Variants in TRIM14 observed in about 807,000 individuals in gnomAD.
TRIM14 encodes the protein tripartite motif-containing protein 14.
In TRIM14, 28 loss-of-function variants were observed where a neutral mutation model predicts 44.5. That is an observed-to-expected ratio of 0.63 (90% CI 0.47 to 0.86). The LOEUF (loss-of-function observed/expected upper bound fraction) is 0.86. Among genes scored for constraint, TRIM14 ranks in the 40% least tolerant of loss-of-function variants. TRIM14 has a pLI of 0.00. For missense variants in TRIM14, 607 were observed against 611.1 expected (o/e 0.99, Z 0.07); for synonymous variants, 299 against 269.2 (o/e 1.11, Z -1.08).
chr9:98,082,941 T>G, downstream of TRIM14: 1 of 1,614,162 alleles, frequency 6.2e-7, no homozygotes, highest in Non-Finnish European at 8.5e-7. Context: ...CCAAAGGCTA[T>G]CCTCCTGAAG....
downstream of TRIM14, chr9:98,083,201 C>T (rs1829967666): frequency 1.3e-6 from 1 of 747,756 alleles, no homozygotes; most frequent in African/African-American, 1.8e-5. Context: ...TGTTTCTGGG[C>T]TAGGCCCTGT....
At chr9:98,055,245 C>T in the TRIM14 span, among the ~76,000 whole-genome samples, 2 of 152,112 alleles carry the variant, frequency 1.3e-5, no homozygotes, top group African/African-American at 4.8e-5. Flanking sequence ...TCTCGAACTC[C>T]TGACCTCAGG....
At chr9:98,088,913 TTTTTTGTTG>T (rs1207775392) in intron 5 of TRIM14, among the ~76,000 whole-genome samples, 1 of 91,344 alleles carries the variant, frequency 1.1e-5, no homozygotes, top group Non-Finnish European at 2.0e-5. Context: ...ACATGAAGTT[TTTTTTGTTG>T]TTGTTGTTGT....
chr9:98,071,618 C>T (rs1174121389), intron 6 of TRIM14, among the ~76,000 whole-genome samples: 3 of 152,192 alleles, frequency 2.0e-5, no homozygotes, highest in Non-Finnish European at 4.4e-5. Flanking sequence ...CAGGCTGGGA[C>T]ATCTGGGTAC....
chr9:98,089,035 G>A (rs1349719609), intron 5 of TRIM14, among the ~76,000 whole-genome samples: 1 of 152,120 alleles, frequency 6.6e-6, no homozygotes, highest in Non-Finnish European at 1.5e-5. Context: ...GTTGCCTATT[G>A]TGACTAATGT....
chr9:98,079,957 T>C (rs112427869), downstream of TRIM14, among the ~76,000 whole-genome samples: 95 of 152,346 alleles, frequency 6.2e-4, no homozygotes, highest in African/African-American at 2.2e-3. Flanking sequence ...CTCATGCCAG[T>C]AGTCCCAGCA....
At chr9:98,059,463 G>A in the TRIM14 span, among the ~76,000 whole-genome samples, 2 of 152,184 alleles carry the variant, frequency 1.3e-5, no homozygotes, top group African/African-American at 4.8e-5. Context: ...TGCTCAGGCT[G>A]GAGTGCAGTG....
chr9:98,064,276 C>T (rs1179690144), downstream of TRIM14, among the ~76,000 whole-genome samples: 108 of 151,596 alleles, frequency 7.1e-4, 1 homozygote, highest in Non-Finnish European at 5.9e-5. Context: ...TTTTTAAAGA[C>T]GGAGTCTTGG....
the TRIM14 span, among the ~76,000 whole-genome samples, chr9:98,042,219 G>A: frequency 9.3e-5 from 14 of 150,382 alleles, no homozygotes; most frequent in Admixed American, 6.0e-4. Flanking sequence ...CGTGAACCCA[G>A]GAGGCGGAGC....
At chr9:98,043,228 A>C in the TRIM14 span, among the ~76,000 whole-genome samples, 1 of 150,286 alleles carries the variant, frequency 6.7e-6, no homozygotes, top group Non-Finnish European at 1.5e-5. Flanking sequence ...CCCAGGCTGG[A>C]GTGCAATGGC....
At chr9:98,111,784 C>T (rs1419552461) in intron 1 of TRIM14, among the ~76,000 whole-genome samples, 2 of 151,734 alleles carry the variant, frequency 1.3e-5, no homozygotes, top group Non-Finnish European at 2.9e-5. Context: ...ACTACAAATA[C>T]AAAATTAGCC....
At chr9:98,088,277 A>T (rs1321152574) in intron 5 of TRIM14, among the ~76,000 whole-genome samples, 3 of 152,194 alleles carry the variant, frequency 2.0e-5, no homozygotes, top group Non-Finnish European at 4.4e-5. Flanking sequence ...AATTAAAACT[A>T]ATCCTATCAC....
the TRIM14 span, among the ~76,000 whole-genome samples, chr9:98,046,077 G>A: frequency 6.6e-6 from 1 of 152,026 alleles, no homozygotes. Context: ...TGTAAAATTT[G>A]GGTTTTGGAA....
chr9:98,080,748 G>T (rs1038468157), downstream of TRIM14: 9 of 1,506,198 alleles, frequency 6.0e-6, no homozygotes, highest in African/African-American at 1.1e-4. Context: ...AACCAGATAC[G>T]CTTCACCTGG....
At chr9:98,078,040 G>C in intron 6 of TRIM14, 1 of 1,134,544 alleles carries the variant, frequency 8.8e-7, no homozygotes, top group Non-Finnish European at 1.2e-6. Context: ...AACCCAACAA[G>C]CTCCTCTCTG....
intron 1 of TRIM14, among the ~76,000 whole-genome samples, chr9:98,117,282 T>G (rs1053282384): frequency 6.7e-6 from 1 of 150,300 alleles, no homozygotes; most frequent in Non-Finnish European, 1.5e-5. Flanking sequence ...TCTGTTTTAT[T>G]TATTTATTTA....
At chr9:98,045,872 G>T in the TRIM14 span, among the ~76,000 whole-genome samples, 1 of 152,104 alleles carries the variant, frequency 6.6e-6, no homozygotes, top group Non-Finnish European at 1.5e-5. Context: ...GAACTCCATG[G>T]ATTTGTGCTT....
At chr9:98,049,175 C>G in the TRIM14 span, among the ~76,000 whole-genome samples, 1 of 151,456 alleles carries the variant, frequency 6.6e-6, no homozygotes, top group African/African-American at 2.4e-5. Flanking sequence ...AACTCCATCT[C>G]TAATAAAAAT....
Position 98,087,447 on chromosome 9 carries a change from G to A in TRIM14, c.*23C>T. ...ACTGGGCAGCTGCGGCGTACCTGGA[G>A]GCTGTCACGCCGGTCCTGGCCCCTA... On this transcript the variant is annotated 3_prime_UTR_variant, in exon 6 of 6. Coordinates refer to ENST00000341469, the MANE Select transcript of TRIM14 (RefSeq NM_014788.4). 1 of 1,606,708 alleles carries A rather than the reference G, an allele frequency of 6.2e-7. No individual in the cohort carries two copies. The highest frequency in any genetic ancestry group is 2.2e-5 in the East Asian group (1 of 44,704).
Sources: gnomAD v4.1 joint callset for allele counts (sites outside exome capture counted in the v4.1 genomes callset) on GRCh38, gnomAD v4.1.1 for gene constraint, MANE v1.5 for transcripts, NCBI Gene and HGNC (gene_info 2026-07-23, HGNC 2026-07-21) for gene names.